GRIA1: variants seen among roughly 807,000 people sequenced by gnomAD.
The protein encoded by GRIA1 is glutamate ionotropic receptor AMPA type subunit 1.
GRIA1 carries 31 observed loss-of-function variants against 99.2 expected under a neutral mutation model. The observed-to-expected ratio is 0.31, with a 90% confidence interval of 0.23 to 0.42. The LOEUF is 0.42. Among genes scored for constraint, GRIA1 ranks in the 10% least tolerant of loss-of-function variants. GRIA1 has a pLI of 1.00. For synonymous variants in GRIA1, 438 were observed against 432.4 expected, an observed-to-expected ratio of 1.01 and a Z score of -0.16; for missense variants, 782 against 1,157.5, an observed-to-expected ratio of 0.68 and a Z score of 4.71.
chr5:153,640,759 G>T (rs1753726413), intron 2 of GRIA1, among the ~76,000 whole-genome samples: 1 of 152,184 alleles, frequency 6.6e-6, no homozygotes. Context: ...TGTCTGTCTT[G>T]TGTAATTGTG....
At chr5:153,635,231 C>G (rs1753263417) in intron 2 of GRIA1, among the ~76,000 whole-genome samples, 1 of 152,202 alleles carries the variant, frequency 6.6e-6, no homozygotes, top group Non-Finnish European at 1.5e-5. Flanking sequence ...GAAATTAAGA[C>G]AGCCAAAGGA....
chr5:153,588,298 C>T (rs1429516530), intron 2 of GRIA1, among the ~76,000 whole-genome samples: 2 of 152,236 alleles, frequency 1.3e-5, no homozygotes, highest in Admixed American at 6.5e-5. Context: ...CCAAATTCCT[C>T]TTTCTAAAGC....
At chr5:153,631,234 A>G (rs1223887307) in intron 2 of GRIA1, among the ~76,000 whole-genome samples, 2 of 152,176 alleles carry the variant, frequency 1.3e-5, no homozygotes, top group East Asian at 3.9e-4. Flanking sequence ...TGTCCCTTCA[A>G]CCATCTCTTT....
chr5:153,499,592 C>A (rs1754769157), intron 2 of GRIA1, among the ~76,000 whole-genome samples: 1 of 105,542 alleles, frequency 9.5e-6, no homozygotes, highest in African/African-American at 3.7e-5. Flanking sequence ...TCCAGCCTGG[C>A]AACAGAGCGA....
intron 2 of GRIA1, among the ~76,000 whole-genome samples, chr5:153,591,275 T>G (rs1194466762): frequency 6.6e-6 from 1 of 152,230 alleles, no homozygotes; most frequent in Non-Finnish European, 1.5e-5. Context: ...ATTATGAGTG[T>G]AATTTTACAG....
At chr5:153,717,541 G>A (rs564539149) in intron 11 of GRIA1, among the ~76,000 whole-genome samples, 3 of 152,158 alleles carry the variant, frequency 2.0e-5, no homozygotes, top group South Asian at 4.2e-4. Context: ...ATTGGCAAGG[G>A]CTCAGAGTTC....
At chr5:153,589,299 C>A (rs946826256) in intron 2 of GRIA1, among the ~76,000 whole-genome samples, 11 of 152,110 alleles carry the variant, frequency 7.2e-5, no homozygotes, top group African/African-American at 2.4e-4. Flanking sequence ...AATTTTGGAT[C>A]ACTCTAATGG....
chr5:153,635,286 C>T (rs1431298990), intron 2 of GRIA1, among the ~76,000 whole-genome samples: 17 of 152,150 alleles, frequency 1.1e-4, no homozygotes, highest in South Asian at 4.2e-4. Flanking sequence ...GTGTTCCTTG[C>T]GGTAGTGGTT....
At chr5:153,603,750 C>G (rs941988735) in intron 2 of GRIA1, among the ~76,000 whole-genome samples, 2 of 152,148 alleles carry the variant, frequency 1.3e-5, no homozygotes, top group African/African-American at 4.8e-5. Context: ...CAAGAAGGGA[C>G]TGATCATGTC....
intron 5 of GRIA1, among the ~76,000 whole-genome samples, chr5:153,663,143 A>G (rs960626089): frequency 6.6e-6 from 1 of 152,200 alleles, no homozygotes; most frequent in Non-Finnish European, 1.5e-5. Flanking sequence ...ATTCACCCCC[A>G]TCCTCTGAGA....
intron 2 of GRIA1, among the ~76,000 whole-genome samples, chr5:153,532,155 G>A (rs1561617263): frequency 6.6e-6 from 1 of 152,142 alleles, no homozygotes; most frequent in Non-Finnish European, 1.5e-5. Context: ...TAAAATAGCT[G>A]AAAGTATGTT....
chr5:153,728,327 G>T (rs1581551962), intron 11 of GRIA1, among the ~76,000 whole-genome samples: 1 of 149,782 alleles, frequency 6.7e-6, no homozygotes, highest in Non-Finnish European at 1.5e-5. Flanking sequence ...GCATAGGCAA[G>T]GACTTCATGT....
chr5:153,591,270 G>A (rs968923196), intron 2 of GRIA1, among the ~76,000 whole-genome samples: 5 of 152,150 alleles, frequency 3.3e-5, no homozygotes, highest in Admixed American at 1.3e-4. Flanking sequence ...TGAAAATTAT[G>A]AGTGTAATTT....
chr5:153,723,876 GC>G (rs1254166181), intron 11 of GRIA1, among the ~76,000 whole-genome samples: 2 of 152,206 alleles, frequency 1.3e-5, no homozygotes, highest in East Asian at 3.9e-4. Context: ...CTGTCTGACA[GC>G]TTTGAAGAGA....
At chr5:153,765,075 T>C (rs1040496049) in intron 12 of GRIA1, among the ~76,000 whole-genome samples, 12 of 150,940 alleles carry the variant, frequency 8.0e-5, no homozygotes, top group Admixed American at 2.6e-4. Context: ...GGATAGTATA[T>C]GGGAAAAAAA....
chr5:153,681,018 T>G (rs1756934370), intron 7 of GRIA1, among the ~76,000 whole-genome samples: 1 of 152,196 alleles, frequency 6.6e-6, no homozygotes, highest in African/African-American at 2.4e-5. Context: ...AACTGGATAA[T>G]GTATAAAGAA....
chr5:153,556,927 T>C (rs1027125434), intron 2 of GRIA1, among the ~76,000 whole-genome samples: 1 of 152,204 alleles, frequency 6.6e-6, no homozygotes, highest in African/African-American at 2.4e-5. Flanking sequence ...CTAGGCTATA[T>C]TGGATGATAC....
intron 3 of GRIA1, among the ~76,000 whole-genome samples, chr5:153,647,721 C>T (rs1391749444): frequency 1.3e-5 from 2 of 152,094 alleles, no homozygotes; most frequent in Non-Finnish European, 2.9e-5. Context: ...CATCATCATC[C>T]TCCTCATCAT....
chr5:153,629,320 G>A (rs1019313969), intron 2 of GRIA1, among the ~76,000 whole-genome samples: 2 of 152,160 alleles, frequency 1.3e-5, no homozygotes, highest in African/African-American at 2.4e-5. Context: ...GCTGACTCCG[G>A]GGCCTTCACA....
Sources: allele counts gnomAD v4.1 joint callset (sites outside exome capture counted in the v4.1 genomes callset), GRCh38; gene constraint gnomAD v4.1.1; transcripts MANE v1.5; gene names NCBI Gene and HGNC (gene_info 2026-07-23, HGNC 2026-07-21).